The following MYBPH variants were observed in gnomAD, a reference collection of about 807,000 sequenced individuals.
MYBPH encodes the protein myosin binding protein H.
In MYBPH, 49 loss-of-function variants were observed where a neutral mutation model predicts 53.6. The observed-to-expected ratio is 0.91, with a 90% CI of 0.73 to 1.16. The LOEUF is 1.16. Among genes scored for constraint, MYBPH ranks in the 50% most tolerant of loss-of-function variants. The probability of loss-of-function intolerance (pLI) is 0.00; values close to 1 mark genes in which losing one functional copy is unlikely to be tolerated. For missense variants in MYBPH, 558 were observed against 624.1 expected (o/e 0.89, Z 1.13); for synonymous variants, 239 against 249.6 (o/e 0.96, Z 0.40).
upstream of MYBPH, among the ~76,000 whole-genome samples, chr1:203,178,082 A>G (rs183272250): frequency 4.6e-5 from 7 of 152,346 alleles, no homozygotes; most frequent in East Asian, 1.3e-3. Context: ...GAATCCACAA[A>G]TCAATTCTCT....
intron 6 of MYBPH, 98 bp from the exon 7 acceptor site, chr1:203,170,548 C>T: frequency 6.8e-7 from 1 of 1,474,068 alleles, no homozygotes. Flanking sequence ...TTCCATGCCC[C>T]CAACCTTAGG....
chr1:203,171,821 T>G lies in MYBPH; in HGVS notation c.597+131A>C. On this transcript the variant is annotated intron_variant, in intron 4 of 10. Transcript: ENST00000255416. This position sits in a 1 kb window ranked among gnomAD's most constrained non-coding sequence, Gnocchi z 4.2. ...AATCACCAATGAGTCATGTGCATGA[T>G]TGCGGAAGGATGAAGCCGTCTCGCT... 1.4e-6 allele frequency: 1 copy of G among 713,898 alleles called. No homozygotes were observed. The allele number at this position is 713,898 out of a possible 1,614,324, so 44.2% of individuals were successfully genotyped here.
At chr1:203,172,094 G>C in intron 3 of MYBPH, 54 bp from the exon 4 acceptor site, 1 of 1,141,472 alleles carries the variant, frequency 8.8e-7, no homozygotes, top group Non-Finnish European at 1.1e-6. Context: ...GCTGATTGGG[G>C]TTTCTGAGAT....
chr1:203,173,741 C>T (rs1655745352), intron 3 of MYBPH, among the ~76,000 whole-genome samples: 1 of 152,250 alleles, frequency 6.6e-6, no homozygotes, highest in Non-Finnish European at 1.5e-5. Flanking sequence ...TCTCTCCTCA[C>T]CCTGGGGGAC....
At position 203,169,010 on chromosome 1, in the gene MYBPH, GTGCAGACGCCT is replaced by G. The variant is rs555375670; in HGVS notation, c.1302_1312del (p.Gln434HisfsTer11). 6.6e-5 allele frequency: 106 copies of G among 1,613,932 alleles called. 1 individual carries two copies. In the South Asian group the frequency reaches 1.1e-3, roughly 17 times the overall value. On this transcript the variant is annotated frameshift_variant, in exon 9 of 11. Coordinates refer to ENST00000255416, the MANE Select transcript of MYBPH (RefSeq NM_004997.3). LOFTEE classifies it high-confidence loss of function. ...GGGGCTGGGTTTCCGGATCTCTAGG[GTGCAGACGCCT>G]TGCTCAGAGAGGGCGCGGTATTTGG...
chr1:203,177,325 T>C (rs1443546336), upstream of MYBPH, among the ~76,000 whole-genome samples: 1 of 152,250 alleles, frequency 6.6e-6, no homozygotes, highest in Non-Finnish European at 1.5e-5. Context: ...AGGTTCTTAC[T>C]ACATAGTTAT....
chr1:203,173,450 G>A (rs1655740263), intron 3 of MYBPH, among the ~76,000 whole-genome samples: 1 of 152,224 alleles, frequency 6.6e-6, no homozygotes, highest in African/African-American at 2.4e-5. Flanking sequence ...ATCAGACTCT[G>A]GGACTGCCAA....
rs1161318057 is a variant in MYBPH, at chr1:203,171,928, AC to A, written c.597+23del. On this transcript the variant is annotated intron_variant, in intron 4 of 10. Coordinates refer to ENST00000255416, the MANE Select transcript of MYBPH (RefSeq NM_004997.3). The surrounding 1 kb of genome is among the most constrained non-coding windows in gnomAD (Gnocchi z 4.2). ...GGCCCTGGTTCCCACCCAGGCTGTT[AC>A]CCTTGGTGGGGGTAATACCCACCTG... 3.7e-5 allele frequency: 48 copies of A among 1,301,696 alleles called. No individual in the cohort carries two copies. The highest frequency in any genetic ancestry group is 4.5e-5 in the Non-Finnish European group (46 of 1,014,530). The allele number at this position is 1,301,696 out of a possible 1,614,324, so 80.6% of individuals were successfully genotyped here. A position where few individuals can be genotyped will look rare whatever the true frequency, so the allele number is the denominator to read the frequency against.
In MYBPH at chr1:203,171,894, T is replaced by C. The variant is rs1403683187; in HGVS notation, c.597+58A>G. 1 of 1,142,430 alleles carries C rather than the reference T, an allele frequency of 8.8e-7. No homozygotes were observed. Among genetic ancestry groups the C allele is most frequent in the Non-Finnish European group, 1.1e-6 (1 of 879,872 alleles). 70.8% of individuals were successfully genotyped at this position (1,142,430 alleles called of 1,614,324 possible). A position where few individuals can be genotyped will look rare whatever the true frequency, so the allele number is the denominator to read the frequency against. ...GACCCTGCCATCTCCCAGGCTCCCC[T>C]TAAATGGGGGCCCTGGTTCCCACCC... On this transcript the variant is annotated intron_variant, in intron 4 of 10. Coordinates refer to ENST00000255416, the MANE Select transcript of MYBPH (RefSeq NM_004997.3). This position sits in a 1 kb window ranked among gnomAD's most constrained non-coding sequence, Gnocchi z 4.2.
intron 3 of MYBPH, chr1:203,174,217 C>G (rs1655754093): frequency 1.3e-6 from 1 of 788,244 alleles, no homozygotes. Flanking sequence ...CTGGACCACT[C>G]AGGGAAATGG....
upstream of MYBPH, among the ~76,000 whole-genome samples, chr1:203,178,252 C>T (rs1049060757): frequency 6.6e-6 from 1 of 152,224 alleles, no homozygotes; most frequent in African/African-American, 2.4e-5. Context: ...CCTCCTATCT[C>T]AGGCCAGCTT....
chr1:203,178,633 G>C (rs2102196939), upstream of MYBPH, among the ~76,000 whole-genome samples: 1 of 152,322 alleles, frequency 6.6e-6, no homozygotes, highest in Non-Finnish European at 1.5e-5. Flanking sequence ...GGGCCTGCTA[G>C]CCTTCAGGAA....
At position 203,168,652 on chromosome 1, in the gene MYBPH, C is replaced by T. The variant is rs777871043; in HGVS notation, c.*7G>A. The stretch of plus-strand genomic sequence containing the variant: ...CTGGCTCCTCATCACAGCCTCCTCC[C>T]GTGACTTCAGTGTGCGGCTGAGGCT... On this transcript the variant is annotated 3_prime_UTR_variant, in exon 10 of 11. Coordinates refer to ENST00000255416, the MANE Select transcript of MYBPH (RefSeq NM_004997.3). The T allele has an allele frequency of 2.3e-5, 34 of 1,449,850 alleles. No homozygotes were observed. Among genetic ancestry groups the T allele is most frequent in the African/African-American group, 1.1e-4 (5 of 47,144 alleles). 89.8% of individuals were successfully genotyped at this position (1,449,850 alleles called of 1,614,324 possible).
chr1:203,169,937 A>T (rs1421813569), intron 7 of MYBPH, among the ~76,000 whole-genome samples: 1 of 152,088 alleles, frequency 6.6e-6, no homozygotes, highest in African/African-American at 2.4e-5. Context: ...TTAGCACACT[A>T]CCCAGCCATG....
Position 203,168,993 on chromosome 1 carries a change from G to T in MYBPH, c.1330C>A (p.Pro444Thr), listed in dbSNP as rs1298470537. 1 of 1,613,958 alleles carries T rather than the reference G, an allele frequency of 6.2e-7. No individual in the cohort carries two copies. Among genetic ancestry groups the T allele is most frequent in the South Asian group, 1.1e-5 (1 of 91,086 alleles). ...QGVCTLEIRK[P>T]SPFDSGVYTC... ...TAGACCCCAGAATCAAAGGGGCTGG[G>T]TTTCCGGATCTCTAGGGTGCAGACG... Residue 444 changes from proline to threonine, a missense_variant, in exon 9 of 11, where the codon CCC becomes ACC. Pro to Thr is a conservative substitution (Grantham distance 38). Coordinates refer to ENST00000255416, the MANE Select transcript of MYBPH (RefSeq NM_004997.3).
rs1571823940 is a variant in MYBPH at position 203,175,818 on chromosome 1, C to A, written c.-63G>T. On this transcript the variant is annotated 5_prime_UTR_variant, in exon 1 of 11. The change creates a new upstream start codon in the 5' untranslated region. Coordinates refer to ENST00000255416, the MANE Select transcript of MYBPH (RefSeq NM_004997.3). ...GGGTCAGCCGTTGGGGGGCCTGGGCCTCTAGGGTGCCTGGGACACCTAGGT... is the reference window on the plus strand; with the variant it reads ...GGGTCAGCCGTTGGGGGGCCTGGGCATCTAGGGTGCCTGGGACACCTAGGT... The A allele has an allele frequency of 1.9e-6, 3 of 1,554,356 alleles. No individual in the cohort carries two copies. In the East Asian group the frequency reaches 6.7e-5, roughly 35 times the overall value.
At chr1:203,175,884 C>A (rs755492557), upstream of MYBPH, 10 of 893,996 alleles carry the variant, frequency 1.1e-5, no homozygotes, top group Non-Finnish European at 1.5e-5. Flanking sequence ...CCCCAGCAAA[C>A]GATTCCCAGC....
upstream of MYBPH, among the ~76,000 whole-genome samples, chr1:203,178,035 G>A (rs1270447974): frequency 2.6e-5 from 4 of 152,242 alleles, no homozygotes; most frequent in African/African-American, 9.6e-5. Flanking sequence ...AGGCCAATTT[G>A]TGATTATCCT....
chr1:203,174,549 T>G lies in MYBPH; in HGVS notation c.389A>C (p.Gln130Pro). 1.9e-6 allele frequency: 3 copies of G among 1,611,506 alleles called. No individual in the cohort carries two copies. The highest frequency in any genetic ancestry group is 2.5e-6 in the Non-Finnish European group (3 of 1,177,916). ...TCCCAGAGCCAGGTTCCGCACAGTC[T>G]GCTGGGTCACCATCATGGGCCGGGC... ...VSARPMMVTQQTVRNLALGDK... is the reference protein window; with the variant it reads ...VSARPMMVTQPTVRNLALGDK... The change falls in exon 3 of 11, where the codon CAG (glutamine) becomes CCG (proline). Residue 130 changes from glutamine to proline, a missense_variant. By Grantham distance (76) the Gln-to-Pro change is moderately conservative (BLOSUM62 -1). Transcript: ENST00000255416.
Sources: gnomAD v4.1 joint callset for allele counts (sites outside exome capture counted in the v4.1 genomes callset) on GRCh38, gnomAD v4.1.1 for gene constraint, Gnocchi (gnomAD v3.1) non-coding constraint, MANE v1.5 for transcripts, NCBI Gene and HGNC (gene_info 2026-07-23, HGNC 2026-07-21) for gene names.